RASSF3: variants seen among roughly 807,000 people sequenced by gnomAD.
The protein encoded by RASSF3 is ras association domain-containing protein 3.
Under a neutral mutation model 19.9 loss-of-function variants are expected in RASSF3, and 19 were observed. The ratio of observed to expected loss-of-function variants is 0.96; its 90% CI spans 0.67 to 1.40. The LOEUF is 1.40. RASSF3 is among the 40% of genes most tolerant of loss of function. RASSF3 has a pLI of 0.00. For synonymous variants in RASSF3, 110 were observed against 104.2 expected (o/e 1.06, Z -0.34); for missense variants, 306 against 289.8 (o/e 1.06, Z -0.41).
intron 1 of RASSF3, among the ~76,000 whole-genome samples, chr12:64,656,782 G>A (rs1400927055): frequency 1.3e-5 from 2 of 152,102 alleles, no homozygotes; most frequent in Non-Finnish European, 2.9e-5. Flanking sequence ...CTTAATTTGT[G>A]GACCATTTTA....
At chr12:64,586,941 A>G (rs1869814835) in intron 2 of RASSF3, among the ~76,000 whole-genome samples, 1 of 152,096 alleles carries the variant, frequency 6.6e-6, no homozygotes, top group Non-Finnish European at 1.5e-5. Flanking sequence ...GAAAAAAGAA[A>G]AGTAAAATAA....
intron 2 of RASSF3, among the ~76,000 whole-genome samples, chr12:64,562,810 T>C (rs1425328625): frequency 6.6e-6 from 1 of 152,066 alleles, no homozygotes; most frequent in East Asian, 1.9e-4. Flanking sequence ...ATATATTTTG[T>C]AGAGACAGGG....
At chr12:64,524,607 G>T (rs1256549555) in intron 1 of RASSF3, among the ~76,000 whole-genome samples, 1 of 152,028 alleles carries the variant, frequency 6.6e-6, no homozygotes, top group Non-Finnish European at 1.5e-5. Context: ...TGATGTCAAG[G>T]TGCCCAGATC....
upstream of RASSF3, among the ~76,000 whole-genome samples, chr12:64,607,405 T>G (rs1323479395): frequency 6.6e-6 from 1 of 152,154 alleles, no homozygotes; most frequent in African/African-American, 2.4e-5. Context: ...AGTCTCCCTG[T>G]GTCGCCCAGG....
intron 2 of RASSF3, among the ~76,000 whole-genome samples, chr12:64,554,162 G>T (rs138978377): frequency 9.1e-4 from 139 of 152,074 alleles, no homozygotes; most frequent in African/African-American, 3.3e-3. Context: ...CTCTTCTCTG[G>T]GTCACTGTCC....
At chr12:64,530,027 T>A (rs1392381703), upstream of RASSF3, among the ~76,000 whole-genome samples, 1 of 152,114 alleles carries the variant, frequency 6.6e-6, no homozygotes, top group Non-Finnish European at 1.5e-5. Context: ...ACCCCGGAAG[T>A]CATCACATGA....
chr12:64,561,251 T>C (rs1050105293), intron 2 of RASSF3, among the ~76,000 whole-genome samples: 31 of 152,152 alleles, frequency 2.0e-4, no homozygotes, highest in African/African-American at 7.2e-4. Flanking sequence ...ATCTTGTGAG[T>C]CATAGTATAA....
intron 2 of RASSF3, among the ~76,000 whole-genome samples, chr12:64,581,702 G>T (rs1055248389): frequency 2.0e-5 from 3 of 151,870 alleles, no homozygotes; most frequent in Non-Finnish European, 4.4e-5. Context: ...AATTTGAGGG[G>T]TTACATATAA....
At chr12:64,572,129 G>A (rs1869528435) in intron 2 of RASSF3, among the ~76,000 whole-genome samples, 1 of 152,148 alleles carries the variant, frequency 6.6e-6, no homozygotes, top group African/African-American at 2.4e-5. Context: ...GTGTGTGTGT[G>A]TGATTATTTA....
intron 1 of RASSF3, among the ~76,000 whole-genome samples, chr12:64,670,570 G>GA (rs1278193767): frequency 2.7e-5 from 4 of 148,270 alleles, no homozygotes; most frequent in Non-Finnish European, 5.9e-5. Flanking sequence ...TTGTGGGGGG[G>GA]ATCTTTTCAT....
chr12:64,560,404 T>A (rs932676843), intron 2 of RASSF3, among the ~76,000 whole-genome samples: 2 of 152,182 alleles, frequency 1.3e-5, no homozygotes, highest in African/African-American at 4.8e-5. Context: ...CTTGGTGGGA[T>A]GTCAATACAA....
intron 1 of RASSF3, among the ~76,000 whole-genome samples, chr12:64,524,306 C>T (rs1049182939): frequency 2.6e-5 from 4 of 151,726 alleles, no homozygotes; most frequent in South Asian, 2.1e-4. Context: ...AGGCTGATCT[C>T]GAACTCCTGA....
chr12:64,636,507 A>G (rs1304450501), intron 1 of RASSF3, among the ~76,000 whole-genome samples: 1 of 152,126 alleles, frequency 6.6e-6, no homozygotes, highest in Non-Finnish European at 1.5e-5. Context: ...AAGTGGTTGT[A>G]TATTGCTGCA....
intron 2 of RASSF3, among the ~76,000 whole-genome samples, chr12:64,552,566 C>T (rs1001076654): frequency 9.2e-5 from 14 of 152,182 alleles, no homozygotes; most frequent in Admixed American, 3.3e-4. Context: ...GTGTTGTTCC[C>T]CTCCCTGTGT....
At chr12:64,565,332 T>TTG (rs1300130790) in intron 2 of RASSF3, among the ~76,000 whole-genome samples, 1 of 151,754 alleles carries the variant, frequency 6.6e-6, no homozygotes, top group Non-Finnish European at 1.5e-5. Context: ...ATCCCAGCAC[T>TTG]TTGGGAGGCT....
intron 1 of RASSF3, among the ~76,000 whole-genome samples, chr12:64,617,185 C>A (rs781774948): frequency 1.8e-4 from 28 of 152,176 alleles, no homozygotes; most frequent in Non-Finnish European, 3.1e-4. Flanking sequence ...TTCACAGTAT[C>A]TTACAGGTAG....
intron 1 of RASSF3, among the ~76,000 whole-genome samples, chr12:64,660,256 C>T (rs1479679376): frequency 6.6e-6 from 1 of 151,996 alleles, no homozygotes; most frequent in Non-Finnish European, 1.5e-5. Context: ...TTGCTGGAAA[C>T]AAATTCTTTG....
At chr12:64,599,582 G>T (rs2136144660) in intron 2 of RASSF3, among the ~76,000 whole-genome samples, 1 of 152,304 alleles carries the variant, frequency 6.6e-6, no homozygotes, top group East Asian at 1.9e-4. Context: ...TCTCACCCTA[G>T]GTTGGCTGAG....
chr12:64,567,935 AAG>A (rs930354054), intron 2 of RASSF3, among the ~76,000 whole-genome samples: 3 of 152,232 alleles, frequency 2.0e-5, no homozygotes, highest in South Asian at 2.1e-4. Context: ...GGCTGGATAG[AAG>A]AGAGTGTTTA....
Sources: allele counts gnomAD v4.1 joint callset (sites outside exome capture counted in the v4.1 genomes callset), GRCh38; gene constraint gnomAD v4.1.1; transcripts MANE v1.5; gene names NCBI Gene and HGNC (gene_info 2026-07-23, HGNC 2026-07-21).